Variants in KIAA1549L observed in about 807,000 individuals in gnomAD.
The protein encoded by KIAA1549L is KIAA1549 like.
Under a neutral mutation model 160.7 loss-of-function variants are expected in KIAA1549L, and 88 were observed. The ratio of observed to expected loss-of-function variants is 0.55; its 90% confidence interval spans 0.46 to 0.65. The LOEUF (loss-of-function observed/expected upper bound fraction) is 0.65, where lower values mean the gene tolerates loss of function less well. KIAA1549L is among the 30% of genes least tolerant of loss of function. KIAA1549L has a pLI of 0.00. For synonymous variants in KIAA1549L, 950 were observed against 976.7 expected (o/e 0.97, Z 0.51); for missense variants, 2,258 against 2,437.5 (o/e 0.93, Z 1.55).
At chr11:33,608,172 A>T (rs1481023753) in intron 14 of KIAA1549L, among the ~76,000 whole-genome samples, 1 of 152,244 alleles carries the variant, frequency 6.6e-6, no homozygotes, top group Non-Finnish European at 1.5e-5. Context: ...TGTGACCTTA[A>T]GCATGTTAGT....
At chr11:33,570,592 A>G (rs1022994639) in intron 9 of KIAA1549L, among the ~76,000 whole-genome samples, 7 of 152,240 alleles carry the variant, frequency 4.6e-5, no homozygotes, top group Admixed American at 1.3e-4. Flanking sequence ...GTTTCCCCCA[A>G]AAAATTCACT....
chr11:33,431,746 A>G (rs954936523), intron 1 of KIAA1549L, among the ~76,000 whole-genome samples: 3 of 152,232 alleles, frequency 2.0e-5, no homozygotes, highest in Non-Finnish European at 2.9e-5. Context: ...GTGCACCTGC[A>G]CTTCTCAGCC....
chr11:33,615,632 G>A (rs1177260736), intron 15 of KIAA1549L, among the ~76,000 whole-genome samples: 1 of 151,722 alleles, frequency 6.6e-6, no homozygotes, highest in Non-Finnish European at 1.5e-5. Context: ...TATTTTAAGG[G>A]GATGTTGCCT....
At chr11:33,647,863 T>C (rs1851769601) in intron 17 of KIAA1549L, among the ~76,000 whole-genome samples, 1 of 152,234 alleles carries the variant, frequency 6.6e-6, no homozygotes, top group Non-Finnish European at 1.5e-5. Flanking sequence ...TGGGGCTTAG[T>C]GTTTGTGGCA....
chr11:33,585,906 A>C (rs1000317971), intron 11 of KIAA1549L, among the ~76,000 whole-genome samples: 2 of 152,186 alleles, frequency 1.3e-5, no homozygotes, highest in African/African-American at 4.8e-5. Flanking sequence ...GATTGAATTC[A>C]CTTGTGTGCG....
chr11:33,428,104 A>G (rs1221395998), intron 1 of KIAA1549L, among the ~76,000 whole-genome samples: 2 of 152,174 alleles, frequency 1.3e-5, no homozygotes, highest in African/African-American at 4.8e-5. Context: ...GTGTGGACAT[A>G]TGTTTTCAGT....
chr11:33,574,068 G>A (rs1320553870), intron 9 of KIAA1549L, among the ~76,000 whole-genome samples: 2 of 152,094 alleles, frequency 1.3e-5, no homozygotes, highest in Non-Finnish European at 2.9e-5. Flanking sequence ...GGGCAAAAAC[G>A]AAGAATGGAA....
chr11:33,671,685 A>G lies in KIAA1549L; in HGVS notation c.*3531A>G, dbSNP rs1429828507. The G allele has an allele frequency of 6.6e-6, 1 of 152,158 alleles. No individual in the cohort carries two copies. Among genetic ancestry groups the G allele is most frequent in the East Asian group, 1.9e-4 (1 of 5,196 alleles). The allele number at this position is 152,158 out of a possible 1,614,324, so 9.4% of individuals were successfully genotyped here. On this transcript the variant is annotated 3_prime_UTR_variant, in exon 21 of 21. Coordinates refer to ENST00000658780, the MANE Select transcript of KIAA1549L (RefSeq NM_012194.3). ...TTAACTAATAGAGATGCTTTTTCTAACAGGCAGAAATTAGAGAAATGGATC... is the reference window on the plus strand; with the variant it reads ...TTAACTAATAGAGATGCTTTTTCTAGCAGGCAGAAATTAGAGAAATGGATC...
At chr11:33,560,363 C>T (rs1394185294) in intron 7 of KIAA1549L, among the ~76,000 whole-genome samples, 1 of 152,172 alleles carries the variant, frequency 6.6e-6, no homozygotes, top group Non-Finnish European at 1.5e-5. Context: ...ACAATTCTGC[C>T]TGCTAGGGCA....
rs1248719343 is a variant in KIAA1549L, at chr11:33,552,107, G to A, written c.3722-1G>A. On this transcript the variant is annotated splice_acceptor_variant, in intron 5 of 20. Coordinates refer to ENST00000658780, the MANE Select transcript of KIAA1549L (RefSeq NM_012194.3). LOFTEE classifies it high-confidence loss of function. ...GCACTGATTGACTTCTCTCATTCTA[G>A]TGCTGCAGTTTGTGAGCCAAGCGGA... is the stretch of plus-strand genomic sequence containing the variant. 1 of 1,613,656 alleles carries A rather than the reference G, an allele frequency of 6.2e-7. No individual in the cohort carries two copies. Among genetic ancestry groups the A allele is most frequent in the South Asian group, 1.1e-5 (1 of 90,950 alleles).
chr11:33,647,515 GT>G (rs1278339069), intron 17 of KIAA1549L, among the ~76,000 whole-genome samples: 2 of 151,972 alleles, frequency 1.3e-5, no homozygotes, highest in African/African-American at 4.8e-5. Flanking sequence ...AAACCGAGAA[GT>G]TATAAGTTTT....
At chr11:33,646,795 T>C (rs12802717) in intron 17 of KIAA1549L, among the ~76,000 whole-genome samples, 38,886 of 152,056 alleles carry the variant, frequency 0.26, 5,459 homozygotes, top group Middle Eastern at 0.36. Context: ...CAATCCTCCC[T>C]CTTTTTCCTT....
chr11:33,436,778 A>G (rs1189435302), intron 1 of KIAA1549L, among the ~76,000 whole-genome samples: 2 of 152,190 alleles, frequency 1.3e-5, no homozygotes, highest in African/African-American at 4.8e-5. Context: ...TTGGTTCAGA[A>G]AATTACCTTT....
chr11:33,432,014 G>A (rs778699601), intron 1 of KIAA1549L, among the ~76,000 whole-genome samples: 13 of 152,208 alleles, frequency 8.5e-5, no homozygotes, highest in Admixed American at 2.0e-4. Context: ...GCCCGGGGCC[G>A]GCATGGCAGG....
chr11:33,409,996 GTGTC>G, intron 1 of KIAA1549L, among the ~76,000 whole-genome samples: 1 of 152,150 alleles, frequency 6.6e-6, no homozygotes, highest in African/African-American at 2.4e-5. Flanking sequence ...ACGTTTCTCT[GTGTC>G]TGTTATCACT....
intron 12 of KIAA1549L, among the ~76,000 whole-genome samples, chr11:33,597,668 A>G (rs1041529366): frequency 2.0e-5 from 3 of 152,136 alleles, no homozygotes; most frequent in African/African-American, 7.2e-5. Context: ...AGCATGAGGG[A>G]GGCTTTCTGG....
chr11:33,591,883 G>C (rs1483220927), intron 12 of KIAA1549L, among the ~76,000 whole-genome samples: 1 of 152,180 alleles, frequency 6.6e-6, no homozygotes, highest in African/African-American at 2.4e-5. Flanking sequence ...GTGACCCCAG[G>C]AGTCTCATGA....
chr11:33,441,927 A>G (rs992634703), intron 1 of KIAA1549L, among the ~76,000 whole-genome samples: 4 of 152,190 alleles, frequency 2.6e-5, no homozygotes, highest in African/African-American at 9.7e-5. Flanking sequence ...TAATTTAATT[A>G]GATCCCGTTT....
Position 33,656,805 on chromosome 11 carries a change from T to C in KIAA1549L, c.5858+696T>C, listed in dbSNP as rs865902520. ...GTGAATGGGGAAGAAAAATAGGAGTTTCCCTCGGAATAGGAGGGACCCCGC... is the reference window on the plus strand; with the variant it reads ...GTGAATGGGGAAGAAAAATAGGAGTCTCCCTCGGAATAGGAGGGACCCCGC... On this transcript the variant is annotated intron_variant, in intron 18 of 20. Coordinates refer to ENST00000658780, the MANE Select transcript of KIAA1549L (RefSeq NM_012194.3). Among the ~76,000 whole-genome samples the C allele has an allele frequency of 2.8e-4, 43 of 152,200 alleles. No homozygotes were observed. The Middle Eastern group carries it at 0.01, about 36-fold the overall frequency.
Sources: gnomAD v4.1 joint callset for allele counts (sites outside exome capture counted in the v4.1 genomes callset) on GRCh38, gnomAD v4.1.1 for gene constraint, MANE v1.5 for transcripts, NCBI Gene and HGNC (gene_info 2026-07-23, HGNC 2026-07-21) for gene names.